Variants in TREH observed in about 807,000 individuals in gnomAD.
The protein encoded by TREH is trehalase, also known as alpha,alpha-trehalose glucohydrolase.
In TREH, 69 loss-of-function variants were observed where a neutral mutation model predicts 80.5. That is an observed-to-expected ratio of 0.86 (90% CI 0.71 to 1.05). The LOEUF is 1.05. Among genes scored for constraint, TREH ranks in the 50% least tolerant of loss-of-function variants. TREH has a pLI of 0.00. For synonymous variants in TREH, 309 were observed against 293.5 expected (o/e 1.05, Z -0.54); for missense variants, 716 against 718.8 (o/e 1.00, Z 0.04).
intron 10 of TREH, 53 bp downstream of exon 10, chr11:118,660,486 G>A: frequency 1.3e-6 from 2 of 1,512,836 alleles, no homozygotes; most frequent in African/African-American, 2.7e-5. Flanking sequence ...CTATTGCCAA[G>A]CCTGAGCAGG....
intron 1 of TREH, among the ~76,000 whole-genome samples, chr11:118,664,452 C>T (rs1305361304): frequency 6.6e-6 from 1 of 152,188 alleles, no homozygotes; most frequent in Non-Finnish European, 1.5e-5. Context: ...AAAAACTGAA[C>T]TATTAAAGTG....
intron 9 of TREH, 57 bp downstream of exon 9, chr11:118,660,809 C>T: frequency 6.5e-7 from 1 of 1,550,304 alleles, no homozygotes; most frequent in Non-Finnish European, 8.7e-7. Context: ...CAGAGCCTGA[C>T]ACAGCAGGTG....
intron 1 of TREH, among the ~76,000 whole-genome samples, chr11:118,670,342 A>C (rs1166216268): frequency 2.0e-5 from 3 of 152,232 alleles, no homozygotes; most frequent in African/African-American, 4.8e-5. Context: ...TGGGTCAAAG[A>C]ACAGACAAAC....
chr11:118,659,026 C>T lies in TREH; in HGVS notation c.1433-9G>A, dbSNP rs1192886866. On this transcript the variant is annotated splice_polypyrimidine_tract_variant and intron_variant, in intron 12 of 14. Transcript: ENST00000264029. ...AGGTGCCTTGGCCAGGCCTAGACCC[C>T]ATTGCAGGCAGGACTCAACCTCCAG... 1.2e-6 allele frequency: 2 copies of T among 1,613,176 alleles called. No homozygotes were observed. The highest frequency in any genetic ancestry group is 1.7e-6 in the Non-Finnish European group (2 of 1,179,472).
rs202035081 is a variant in TREH at position 118,659,908 on chromosome 11, G to A, written c.1159C>T (p.Leu387=). 1.4e-4 allele frequency: 221 copies of A among 1,551,656 alleles called. No homozygotes were observed. The highest frequency in any genetic ancestry group is 1.9e-4 in the Non-Finnish European group (218 of 1,147,032). ...TGCTCATCCCACAGGACTGTGTTCA[G>A]GGCGGCCAAGCGCTGCGACCGCAGG... ...RILRSQRLAA[L]NTVLWDEQTG... The change falls in exon 11 of 15, where the codon CTG becomes TTG. Residue 387 remains leucine, a synonymous_variant. Coordinates refer to ENST00000264029, the MANE Select transcript of TREH (RefSeq NM_007180.3).
intron 11 of TREH, 43 bp downstream of exon 11, chr11:118,659,704 G>A (rs1473803287): frequency 9.7e-6 from 15 of 1,548,004 alleles, no homozygotes; most frequent in African/African-American, 2.7e-5. Flanking sequence ...GGGAGGGGGC[G>A]GTGCTGCCTG....
chr11:118,663,031 G>T, intron 3 of TREH, 21 bp downstream of exon 3: 1 of 1,612,198 alleles, frequency 6.2e-7, no homozygotes, highest in Non-Finnish European at 8.5e-7. Context: ...ACCCTCTCTT[G>T]TTCCCCTTCC....
Position 118,658,169 on chromosome 11 carries a change from T to C in TREH, c.*120A>G, listed in dbSNP as rs2137249685. The C allele has an allele frequency of 7.2e-7, 1 of 1,393,686 alleles. No homozygotes were observed. Among genetic ancestry groups the C allele is most frequent in the Non-Finnish European group, 9.7e-7 (1 of 1,034,892 alleles). The allele number at this position is 1,393,686 out of a possible 1,614,324, so 86.3% of individuals were successfully genotyped here. ...TGACCTCCAGGTCGTGACCCTGCCC[T>C]CCACTTCGCTCTGAGGACAGGCTGG... On this transcript the variant is annotated 3_prime_UTR_variant, in exon 15 of 15. Coordinates refer to ENST00000264029, the MANE Select transcript of TREH (RefSeq NM_007180.3).
At chr11:118,670,552 T>C (rs1303022319) in intron 1 of TREH, among the ~76,000 whole-genome samples, 1 of 152,244 alleles carries the variant, frequency 6.6e-6, no homozygotes, top group South Asian at 2.1e-4. Context: ...CCCCAATACA[T>C]GTGACCCTCA....
intron 12 of TREH, among the ~76,000 whole-genome samples, 167 bp from the exon 13 acceptor site, chr11:118,659,184 G>A (rs185021902): frequency 5.3e-5 from 8 of 152,340 alleles, no homozygotes; most frequent in Admixed American, 3.3e-4. Flanking sequence ...TTTGAAGGGC[G>A]AACAGGACTG....
At chr11:118,667,584 A>G (rs1430597465) in intron 1 of TREH, among the ~76,000 whole-genome samples, 2 of 152,208 alleles carry the variant, frequency 1.3e-5, no homozygotes, top group African/African-American at 4.8e-5. Flanking sequence ...CCATACTGAG[A>G]CAAGGAAGGC....
intron 1 of TREH, among the ~76,000 whole-genome samples, chr11:118,671,237 G>A (rs1949427190): frequency 1.3e-5 from 2 of 152,142 alleles, no homozygotes; most frequent in South Asian, 4.1e-4. Flanking sequence ...AAAAGTTTAA[G>A]AATATAGTTA....
intron 2 of TREH, 63 bp from the exon 3 acceptor site, chr11:118,663,259 G>A: frequency 2.6e-6 from 4 of 1,566,580 alleles, no homozygotes; most frequent in Non-Finnish European, 3.5e-6. Flanking sequence ...AATCACAGGG[G>A]CCTCTCTACT....
At position 118,679,582 on chromosome 11, in the gene TREH, GC is replaced by G; in HGVS notation, c.45del (p.Leu16TrpfsTer24). On this transcript the variant is annotated frameshift_variant, in exon 1 of 15. Transcript: ENST00000264029. LOFTEE classifies it high-confidence loss of function. The stretch of plus-strand genomic sequence containing the variant: ...AGGGCCTCCTGGGACCCCAGTCCCA[GC>G]CCCAGCAGCAGTAGCAGGCACAGCT... ...TWELCLLLLL[G>X]LGLGSQEALP... The G allele has an allele frequency of 6.4e-7, 1 of 1,553,466 alleles. No individual in the cohort carries two copies. Among genetic ancestry groups the G allele is most frequent in the Non-Finnish European group, 8.7e-7 (1 of 1,146,512 alleles).
At chr11:118,666,856 TAGAAA>T (rs1380108668) in intron 1 of TREH, among the ~76,000 whole-genome samples, 1 of 152,072 alleles carries the variant, frequency 6.6e-6, no homozygotes, top group African/African-American at 2.4e-5. Context: ...TTAAACAGAA[TAGAAA>T]AAAGTTTTAT....
At chr11:118,669,064 A>T (rs917843589) in intron 1 of TREH, among the ~76,000 whole-genome samples, 1 of 152,236 alleles carries the variant, frequency 6.6e-6, no homozygotes, top group Non-Finnish European at 1.5e-5. Context: ...AAAAGAAGAC[A>T]TACAAATGGC....
intron 13 of TREH, 51 bp from the exon 14 acceptor site, chr11:118,658,784 G>A: frequency 6.8e-6 from 11 of 1,611,860 alleles, no homozygotes; most frequent in Non-Finnish European, 8.5e-6. Context: ...CCAGCTCCAG[G>A]AACAACAAAC....
At chr11:118,664,514 G>GC (rs1462029184) in intron 1 of TREH, among the ~76,000 whole-genome samples, 9 of 152,344 alleles carry the variant, frequency 5.9e-5, no homozygotes, top group Non-Finnish European at 1.2e-4. Context: ...CATTAAAGTA[G>GC]CTTTGCATAT....
rs140257847 is a variant in TREH at position 118,667,530 on chromosome 11, A to G, written c.90-4091T>C. ...AATGGGTTTCTTATAGTATTAAAGC[A>G]GTAGACATCCCATGATTTGTCCAAA... On this transcript the variant is annotated intron_variant, in intron 1 of 14. Coordinates refer to ENST00000264029, the MANE Select transcript of TREH (RefSeq NM_007180.3). 2.0e-3 allele frequency among the ~76,000 whole-genome samples: 303 copies of G among 152,336 alleles called. 9 individuals carry two copies. In the East Asian group the frequency reaches 0.044, roughly 22 times the overall value.
Sources: gnomAD v4.1 joint callset for allele counts (sites outside exome capture counted in the v4.1 genomes callset) on GRCh38, gnomAD v4.1.1 for gene constraint, MANE v1.5 for transcripts, NCBI Gene and HGNC (gene_info 2026-07-23, HGNC 2026-07-21) for gene names.